The following CTNNA3 variants were observed in gnomAD, a reference collection of about 807,000 sequenced individuals.
CTNNA3 encodes catenin alpha 3.
In CTNNA3, 76 loss-of-function variants were observed where a neutral mutation model predicts 95.7. The observed-to-expected ratio is 0.79, with a 90% CI of 0.66 to 0.96. The LOEUF is 0.96. Among genes scored for constraint, CTNNA3 ranks in the 40% least tolerant of loss-of-function variants. The probability of loss-of-function intolerance (pLI) is 0.00; values close to 1 mark genes in which losing one functional copy is unlikely to be tolerated. For synonymous variants in CTNNA3, 431 were observed against 374.4 expected (o/e 1.15, Z -1.74); for missense variants, 1,191 against 1,089.8 (o/e 1.09, Z -1.31).
intron 9 of CTNNA3, among the ~76,000 whole-genome samples, chr10:66,715,770 T>C (rs1848431213): frequency 6.6e-6 from 1 of 152,186 alleles, no homozygotes; most frequent in South Asian, 2.1e-4. Flanking sequence ...ATTTCTCCTC[T>C]TTATTTCATC....
intron 6 of CTNNA3, among the ~76,000 whole-genome samples, chr10:67,211,692 T>C (rs1864146229): frequency 6.6e-6 from 1 of 152,128 alleles, no homozygotes; most frequent in South Asian, 2.1e-4. Flanking sequence ...AACAAATAAA[T>C]GTATTAAACT....
At position 66,734,635 on chromosome 10, in the gene CTNNA3, G is replaced by A. The variant is rs957307470; in HGVS notation, c.1281+31629C>T. Among the ~76,000 whole-genome samples, 11 of 152,022 alleles carry A rather than the reference G, an allele frequency of 7.2e-5. No individual in the cohort carries two copies. In the East Asian group the frequency reaches 1.2e-3, roughly 16 times the overall value. On this transcript the variant is annotated intron_variant, in intron 9 of 17. Transcript: ENST00000433211. ...TCCCAGTGCTCTGGGAGGCCAAGGC[G>A]GGTGGATCACAAGGTCAGGAGTTCG... is the stretch of plus-strand genomic sequence containing the variant.
chr10:66,222,392 T>C (rs992651391), intron 13 of CTNNA3, among the ~76,000 whole-genome samples: 1 of 152,206 alleles, frequency 6.6e-6, no homozygotes, highest in African/African-American at 2.4e-5. Flanking sequence ...TTAGCTTCAA[T>C]ATTGTTTAAC....
chr10:66,622,396 C>A (rs1027355973), intron 9 of CTNNA3, among the ~76,000 whole-genome samples: 1 of 152,088 alleles, frequency 6.6e-6, no homozygotes, highest in Non-Finnish European at 1.5e-5. Flanking sequence ...TATATTATTG[C>A]TTTTGAAATT....
chr10:65,979,638 A>T (rs1204984892), intron 16 of CTNNA3, among the ~76,000 whole-genome samples: 1 of 152,056 alleles, frequency 6.6e-6, no homozygotes, highest in East Asian at 1.9e-4. Context: ...CTAGACCCTA[A>T]AACACTTTAT....
At position 66,375,670 on chromosome 10, in the gene CTNNA3, G is replaced by A. The variant is rs556708035; in HGVS notation, c.1732+3482C>T. The stretch of plus-strand genomic sequence containing the variant: ...ACCATATTAAATGAAAGGGAATTGA[G>A]AGGGGTTACCAACTGCTATTAAAGT... On this transcript the variant is annotated intron_variant, in intron 12 of 17. Coordinates refer to ENST00000433211, the MANE Select transcript of CTNNA3 (RefSeq NM_013266.4). Among the ~76,000 whole-genome samples, 527 of 151,890 alleles carry A rather than the reference G, an allele frequency of 3.5e-3. 3 individuals are homozygous for A. The highest frequency in any genetic ancestry group is 6.3e-3 in the Non-Finnish European group (428 of 68,004).
At chr10:66,539,917 A>G (rs1309939440) in intron 10 of CTNNA3, among the ~76,000 whole-genome samples, 1 of 152,132 alleles carries the variant, frequency 6.6e-6, no homozygotes, top group Non-Finnish European at 1.5e-5. Flanking sequence ...TTAAAGGGAT[A>G]AAATTACTTA....
intron 17 of CTNNA3, among the ~76,000 whole-genome samples, chr10:65,956,329 C>CA (rs1242638971): frequency 1.3e-5 from 2 of 151,998 alleles, no homozygotes; most frequent in African/African-American, 2.4e-5. Context: ...TTGATCTTTT[C>CA]AAAAAACCAG....
chr10:67,366,344 A>T (rs1054193901), intron 5 of CTNNA3, among the ~76,000 whole-genome samples: 6 of 146,736 alleles, frequency 4.1e-5, no homozygotes, highest in Non-Finnish European at 9.0e-5. Context: ...GTATCCTAGA[A>T]CTTAAAGTAT....
intron 17 of CTNNA3, among the ~76,000 whole-genome samples, chr10:65,961,989 A>T (rs910378363): frequency 7.9e-5 from 12 of 152,138 alleles, no homozygotes; most frequent in African/African-American, 2.2e-4. Flanking sequence ...AAGCTGTCGT[A>T]ACAGTTCTAG....
chr10:66,093,570 C>T (rs943460108), intron 14 of CTNNA3, among the ~76,000 whole-genome samples: 6 of 151,992 alleles, frequency 3.9e-5, no homozygotes, highest in African/African-American at 1.4e-4. Context: ...ACACAAGGAT[C>T]ATTGTAGCAA....
intron 1 of CTNNA3, among the ~76,000 whole-genome samples, chr10:67,738,217 A>G (rs2133638118): frequency 6.6e-6 from 1 of 152,334 alleles, no homozygotes; most frequent in African/African-American, 2.4e-5. Flanking sequence ...TCTGGGACAA[A>G]GCTTCCAGAG....
At chr10:67,645,361 A>C (rs1018344016) in intron 2 of CTNNA3, among the ~76,000 whole-genome samples, 2 of 152,202 alleles carry the variant, frequency 1.3e-5, no homozygotes, top group Admixed American at 1.3e-4. Context: ...TCTGTTTATA[A>C]GCAATATGTC....
chr10:65,962,092 T>G (rs1315519556), intron 17 of CTNNA3, among the ~76,000 whole-genome samples: 1 of 152,156 alleles, frequency 6.6e-6, no homozygotes, highest in Admixed American at 6.5e-5. Flanking sequence ...AAAGGTACAT[T>G]GGAATCACTT....
intron 7 of CTNNA3, among the ~76,000 whole-genome samples, chr10:66,794,488 C>T (rs1329704736): frequency 6.6e-6 from 1 of 152,030 alleles, no homozygotes; most frequent in African/African-American, 2.4e-5. Flanking sequence ...ATGTACATAC[C>T]TTAATTTAAA....
At chr10:67,762,606 G>C (rs938448055) in intron 1 of CTNNA3, among the ~76,000 whole-genome samples, 1 of 152,106 alleles carries the variant, frequency 6.6e-6, no homozygotes, top group Admixed American at 6.6e-5. Flanking sequence ...AATTAGGTAA[G>C]GTTAAATTCT....
intron 13 of CTNNA3, among the ~76,000 whole-genome samples, chr10:66,216,825 C>A (rs924421237): frequency 6.6e-6 from 1 of 152,138 alleles, no homozygotes; most frequent in Non-Finnish European, 1.5e-5. Context: ...AATATAAATA[C>A]CAGGAAGTTG....
At chr10:66,302,850 C>T (rs909789308) in intron 12 of CTNNA3, among the ~76,000 whole-genome samples, 1 of 152,058 alleles carries the variant, frequency 6.6e-6, no homozygotes, top group Non-Finnish European at 1.5e-5. Flanking sequence ...TTCATCATTA[C>T]AAAAGAAAGA....
At chr10:66,292,761 C>T (rs1219080091) in intron 12 of CTNNA3, among the ~76,000 whole-genome samples, 2 of 152,104 alleles carry the variant, frequency 1.3e-5, no homozygotes, top group Non-Finnish European at 2.9e-5. Flanking sequence ...TTATTTCTAC[C>T]TCTGGAATTC....
Sources: gnomAD v4.1 joint callset for allele counts (sites outside exome capture counted in the v4.1 genomes callset) on GRCh38, gnomAD v4.1.1 for gene constraint, MANE v1.5 for transcripts, NCBI Gene and HGNC (gene_info 2026-07-23, HGNC 2026-07-21) for gene names.